AFF2: variants seen among roughly 807,000 people sequenced by gnomAD.
AFF2 encodes ALF transcription elongation factor 2.
In AFF2, 14 loss-of-function variants were observed where a neutral mutation model predicts 76.9. That is an observed-to-expected ratio of 0.18 (90% CI 0.12 to 0.28). The LOEUF (loss-of-function observed/expected upper bound fraction) is 0.28. Ranked by LOEUF, AFF2 falls within the 10% of genes least tolerant of loss-of-function variation. The pLI is 1.00. For synonymous variants in AFF2, 398 were observed against 366.7 expected (o/e 1.09, Z -0.98); for missense variants, 868 against 1,001.1 (o/e 0.87, Z 1.79).
chrX:148,921,222 G>A (rs1354356100), intron 9 of AFF2, among the ~76,000 whole-genome samples: 1 of 112,182 alleles, frequency 8.9e-6, no homozygotes, highest in Non-Finnish European at 1.9e-5. Context: ...CATATAAAGT[G>A]GGGATTTTGA....
chrX:148,959,663 A>T (rs1461587041), intron 12 of AFF2, among the ~76,000 whole-genome samples: 2 of 112,374 alleles, frequency 1.8e-5, no homozygotes, highest in African/African-American at 6.5e-5. Context: ...GTATTCTCTG[A>T]TATAAGTTTG....
intron 9 of AFF2, among the ~76,000 whole-genome samples, chrX:148,928,384 C>T (rs2071676967): frequency 8.9e-6 from 1 of 112,531 alleles, no homozygotes; most frequent in Non-Finnish European, 1.9e-5. Context: ...TGTAGAGAGA[C>T]TGTGATAACC....
chrX:148,571,607 G>C lies in AFF2; in HGVS notation c.47+70463G>C, dbSNP rs569966793. Among the ~76,000 whole-genome samples the C allele has an allele frequency of 2.3e-4, 26 of 111,533 alleles. No homozygotes were observed. The East Asian group carries it at 4.8e-3, about 21-fold the overall frequency. Reference sequence around the variant, plus strand: ...TAAACTTATTCCTGTGGGAAAAGCTGCTAACCCAAATCCTCCTAGACAAAT... The same window carrying C: ...TAAACTTATTCCTGTGGGAAAAGCTCCTAACCCAAATCCTCCTAGACAAAT... On this transcript the variant is annotated intron_variant, in intron 1 of 20. Transcript: ENST00000370460.
At chrX:148,675,046 G>T (rs1557259373) in intron 3 of AFF2, among the ~76,000 whole-genome samples, 1 of 111,936 alleles carries the variant, frequency 8.9e-6, no homozygotes, top group Non-Finnish European at 1.9e-5. Context: ...CATGTGTTAG[G>T]TGTCCATGTG....
intron 9 of AFF2, among the ~76,000 whole-genome samples, chrX:148,933,390 C>G (rs180928487): frequency 1.8e-5 from 2 of 111,499 alleles, no homozygotes; most frequent in Non-Finnish European, 3.8e-5. Context: ...GAGAGAATTT[C>G]GAGCAGAAGA....
chrX:148,886,031 G>A, intron 8 of AFF2, 46 bp downstream of exon 8: 1 of 1,003,436 alleles, frequency 1.0e-6, no homozygotes, highest in Non-Finnish European at 1.4e-6. Context: ...GGGGGAGCAG[G>A]AGGAACTGGA....
intron 1 of AFF2, among the ~76,000 whole-genome samples, chrX:148,501,684 A>C (rs1557231891): frequency 8.8e-6 from 1 of 113,261 alleles, no homozygotes; most frequent in Admixed American, 9.2e-5. Context: ...GACTCAGCCC[A>C]AGTTCCCTGC....
At chrX:148,795,218 C>T (rs1221236360) in intron 3 of AFF2, among the ~76,000 whole-genome samples, 1 of 111,268 alleles carries the variant, frequency 9.0e-6, no homozygotes, top group African/African-American at 3.3e-5. Flanking sequence ...CCCTCATTCC[C>T]CTTTGTTTTC....
At chrX:148,561,849 C>G (rs1261896847) in intron 1 of AFF2, among the ~76,000 whole-genome samples, 1 of 110,434 alleles carries the variant, frequency 9.1e-6, no homozygotes, top group Non-Finnish European at 1.9e-5. Flanking sequence ...AATGGTTCAA[C>G]CAAGGGGAAA....
intron 9 of AFF2, among the ~76,000 whole-genome samples, chrX:148,935,518 A>T (rs782472379): frequency 1.4e-3 from 160 of 111,153 alleles, no homozygotes; most frequent in Non-Finnish European, 2.0e-3. Flanking sequence ...AGGTAATGTT[A>T]TTAGTGCTCT....
At chrX:148,851,197 A>G (rs151165603) in intron 7 of AFF2, among the ~76,000 whole-genome samples, 5,112 of 111,754 alleles carry the variant, frequency 0.046, 112 homozygotes, top group Middle Eastern at 0.11. Flanking sequence ...AAGCCCCTCC[A>G]TTTTACACTG....
At chrX:148,711,557 T>C (rs1048121414) in intron 3 of AFF2, among the ~76,000 whole-genome samples, 15 of 112,307 alleles carry the variant, frequency 1.3e-4, no homozygotes, top group Non-Finnish European at 2.4e-4. Flanking sequence ...AGTAAATGTA[T>C]TCTGAAATTC....
At chrX:148,862,867 A>C (rs1261538381) in intron 7 of AFF2, among the ~76,000 whole-genome samples, 1 of 112,385 alleles carries the variant, frequency 8.9e-6, no homozygotes, top group Non-Finnish European at 1.9e-5. Flanking sequence ...TCTCATTCAC[A>C]TTATCTGAAG....
chrX:148,970,182 G>A (rs1236875276), intron 15 of AFF2, among the ~76,000 whole-genome samples: 1 of 112,085 alleles, frequency 8.9e-6, no homozygotes, highest in Non-Finnish European at 1.9e-5. Flanking sequence ...CACAAAATCC[G>A]CTTGAATTTG....
At chrX:148,648,556 T>G (rs1248336041) in intron 1 of AFF2, among the ~76,000 whole-genome samples, 1 of 42,637 alleles carries the variant, frequency 2.3e-5, no homozygotes, top group Non-Finnish European at 3.9e-5. Flanking sequence ...GAGGGAAAAC[T>G]CCGTCAAAAA....
At chrX:148,681,660 G>GAAAGAGAAAGAAAGAAAGGAAAGAAAGAA (rs2054551415) in intron 3 of AFF2, among the ~76,000 whole-genome samples, 1 of 101,613 alleles carries the variant, frequency 9.8e-6, no homozygotes, top group East Asian at 3.0e-4. Context: ...GAGAAAGAAA[G>GAAAGAGAAAGAAAGAAAGGAAAGAAAGAA]AAAGAGAAAG....
At chrX:148,851,642 C>T (rs782005950) in intron 7 of AFF2, among the ~76,000 whole-genome samples, 1 of 111,749 alleles carries the variant, frequency 8.9e-6, no homozygotes, top group African/African-American at 3.2e-5. Context: ...AGCTCCATTG[C>T]CTAATTTCTG....
chrX:148,565,797 A>G (rs1450432836), intron 1 of AFF2, among the ~76,000 whole-genome samples: 1 of 111,075 alleles, frequency 9.0e-6, no homozygotes, highest in Non-Finnish European at 1.9e-5. Flanking sequence ...GTCTTTGAAT[A>G]TCTTTATTTC....
At chrX:148,675,223 A>G (rs782596811) in intron 3 of AFF2, among the ~76,000 whole-genome samples, 1 of 110,917 alleles carries the variant, frequency 9.0e-6, no homozygotes, top group Non-Finnish European at 1.9e-5. Flanking sequence ...CTGTTTAGTT[A>G]AGGCTTTAAA....
Sources: allele counts gnomAD v4.1 joint callset (sites outside exome capture counted in the v4.1 genomes callset), GRCh38; gene constraint gnomAD v4.1.1; transcripts MANE v1.5; gene names NCBI Gene and HGNC (gene_info 2026-07-23, HGNC 2026-07-21).